Variants in SH3GLB2 observed in about 807,000 individuals in gnomAD.
SH3GLB2 encodes endophilin-B2.
A neutral mutation model predicts 48.0 loss-of-function variants in SH3GLB2; 24 were observed. That is an observed-to-expected ratio of 0.50 (90% CI 0.36 to 0.70). The LOEUF (loss-of-function observed/expected upper bound fraction) is 0.70. Ranked by LOEUF, SH3GLB2 falls within the 30% of genes least tolerant of loss-of-function variation. SH3GLB2 has a pLI of 0.00. For synonymous variants in SH3GLB2, 227 were observed against 207.6 expected (o/e 1.09, Z -0.80); for missense variants, 425 against 516.0 (o/e 0.82, Z 1.71).
chr9:129,011,006 G>A lies in SH3GLB2; in HGVS notation c.625-313C>T, dbSNP rs572844128. 17 of 415,392 alleles carry A rather than the reference G, an allele frequency of 4.1e-5. No individual in the cohort carries two copies. In the South Asian group the frequency reaches 6.0e-4, roughly 15 times the overall value. 25.7% of individuals were successfully genotyped at this position (415,392 alleles called of 1,614,324 possible). Reference sequence around the variant, plus strand: ...AGACGGAGTGTCCCCACCCCATCCTGACTGCTGGCTCAGGCTGCTGGGCTG... The same window carrying A: ...AGACGGAGTGTCCCCACCCCATCCTAACTGCTGGCTCAGGCTGCTGGGCTG... On this transcript the variant is annotated intron_variant, in intron 6 of 10. Transcript: ENST00000372564. The surrounding 1 kb of genome is among the most constrained non-coding windows in gnomAD (Gnocchi z 4.5).
intron 9 of SH3GLB2, 24 bp downstream of exon 9, chr9:129,009,747 G>A: frequency 6.3e-7 from 1 of 1,598,900 alleles, no homozygotes; most frequent in South Asian, 1.1e-5. Context: ...GGCCCCAGTG[G>A]GTTCAGCAGT....
chr9:129,017,619 C>T (rs563890836), intron 3 of SH3GLB2, among the ~76,000 whole-genome samples: 2 of 151,580 alleles, frequency 1.3e-5, no homozygotes, highest in South Asian at 2.1e-4. Flanking sequence ...ACAAAAAATA[C>T]GCCGGGTGTG....
intron 3 of SH3GLB2, among the ~76,000 whole-genome samples, chr9:129,018,461 C>G (rs1014349440): frequency 3.3e-5 from 5 of 150,400 alleles, no homozygotes; most frequent in Admixed American, 3.3e-4. Context: ...CCTGTAATCC[C>G]AGCGACTTGG....
chr9:129,010,606 G>C, intron 7 of SH3GLB2, 64 bp downstream of exon 7: 1 of 1,579,004 alleles, frequency 6.3e-7, no homozygotes, highest in South Asian at 1.1e-5. Flanking sequence ...CCCCACAGCA[G>C]CAAGTGTGCC....
At chr9:129,016,785 T>C (rs541721889) in intron 3 of SH3GLB2, among the ~76,000 whole-genome samples, 11 of 152,144 alleles carry the variant, frequency 7.2e-5, no homozygotes, top group Non-Finnish European at 1.2e-4. Flanking sequence ...AAAATAGTAC[T>C]AGAGACAAAG....
intron 1 of SH3GLB2, among the ~76,000 whole-genome samples, chr9:129,023,149 T>A (rs572844762): frequency 2.0e-5 from 3 of 151,958 alleles, no homozygotes; most frequent in African/African-American, 7.3e-5. Flanking sequence ...AGCTGATGGG[T>A]GCAGAGACGT....
chr9:129,009,575 C>T, intron 9 of SH3GLB2, 196 bp downstream of exon 9: 8 of 1,536,148 alleles, frequency 5.2e-6, no homozygotes, highest in Non-Finnish European at 7.0e-6. Flanking sequence ...CTCAGGGGCT[C>T]CAGGGGACTT....
rs1240891752 is a variant in SH3GLB2, at chr9:129,014,850, C to T, written c.389G>A (p.Arg130Lys). The T allele has an allele frequency of 8.1e-6, 13 of 1,614,008 alleles. No individual in the cohort carries two copies. In the South Asian group the frequency reaches 1.2e-4, roughly 15 times the overall value. Residue 130 changes from arginine to lysine, a missense_variant, in exon 4 of 11, where the codon AGG becomes AAG. Transcript: ENST00000372564. This position sits in a 1 kb window ranked among gnomAD's most constrained non-coding sequence, Gnocchi z 4.1. ...GATGGAGGCCGTGTGGATAAAATCC[C>T]TCTCCGCGGCTCCCAGTTGCTTTTC... ...EAEKQLGAAE[R>K]DFIHTASISF...
chr9:129,009,443 G>A (rs372769957), intron 9 of SH3GLB2, 97 bp from the exon 10 acceptor site: 25 of 1,549,794 alleles, frequency 1.6e-5, no homozygotes, highest in African/African-American at 1.2e-4. Context: ...CTCCAGCCCC[G>A]GCTACTCACA....
At chr9:129,023,039 C>T (rs939515290) in intron 1 of SH3GLB2, among the ~76,000 whole-genome samples, 9 of 152,128 alleles carry the variant, frequency 5.9e-5, no homozygotes, top group Non-Finnish European at 1.2e-4. Flanking sequence ...AATAGCACCT[C>T]CCCCATAGGT....
intron 1 of SH3GLB2, among the ~76,000 whole-genome samples, chr9:129,025,721 G>A (rs930153849): frequency 6.6e-6 from 1 of 151,024 alleles, no homozygotes; most frequent in Non-Finnish European, 1.5e-5. Context: ...CACCCTAAAT[G>A]TGCACCTCAA....
At chr9:129,008,879 C>T in intron 10 of SH3GLB2, 88 bp from the exon 11 acceptor site, 1 of 1,370,328 alleles carries the variant, frequency 7.3e-7, no homozygotes. Context: ...TGCCACCTCC[C>T]CATGGCCCGT....
intron 1 of SH3GLB2, 72 bp from the exon 2 acceptor site, chr9:129,022,495 G>T: frequency 1.4e-6 from 2 of 1,403,248 alleles, no homozygotes; most frequent in South Asian, 1.3e-5. Flanking sequence ...GGTGGGGAAA[G>T]GGAGGACTGC....
chr9:129,018,404 C>T (rs976861895), intron 3 of SH3GLB2, among the ~76,000 whole-genome samples: 30 of 150,920 alleles, frequency 2.0e-4, no homozygotes, highest in African/African-American at 4.2e-4. Context: ...GGTGAGACCC[C>T]GTCTCTACTA....
chr9:129,023,291 T>C (rs1327243513), intron 1 of SH3GLB2, among the ~76,000 whole-genome samples: 1 of 152,096 alleles, frequency 6.6e-6, no homozygotes, highest in Non-Finnish European at 1.5e-5. Context: ...GGATGTCGCA[T>C]GGGTCCCCAT....
rs530232070 is a variant in SH3GLB2, at chr9:129,009,951, C to T, written c.739-80G>A. On this transcript the variant is annotated intron_variant, in intron 8 of 10. Transcript: ENST00000372564. ...ATTCCGTCCCCATCCCCGTCCTCTA[C>T]CAGACCTTGCTCCGGCATTCCAGGG... 21 of 1,442,032 alleles carry T rather than the reference C, an allele frequency of 1.5e-5. No individual in the cohort carries two copies. In the Admixed American group the frequency reaches 2.2e-4, roughly 15 times the overall value. 89.3% of individuals were successfully genotyped at this position (1,442,032 alleles called of 1,614,324 possible).
In SH3GLB2 at chr9:129,022,286, G is replaced by C; in HGVS notation, c.201C>G (p.Asn67Lys). ...LRQTEVLLQPNPSARVEEFLY... is the reference protein window; with the variant it reads ...LRQTEVLLQPKPSARVEEFLY... Reference sequence around the variant, plus strand: ...GGCCCACGAACACGCACTCACTGGGGTTGGGCTGCAGCAGCACCTCTGTCT... The same window carrying C: ...GGCCCACGAACACGCACTCACTGGGCTTGGGCTGCAGCAGCACCTCTGTCT... The change falls in exon 2 of 11, where the codon AAC (asparagine) becomes AAG (lysine). Residue 67 changes from asparagine to lysine, a missense_variant. Coordinates refer to ENST00000372564, the MANE Select transcript of SH3GLB2 (RefSeq NM_020145.4). 1.2e-6 allele frequency: 2 copies of C among 1,613,698 alleles called. No individual in the cohort carries two copies. Among genetic ancestry groups the C allele is most frequent in the Non-Finnish European group, 8.5e-7 (1 of 1,179,992 alleles).
chr9:129,022,436 G>A lies in SH3GLB2; in HGVS notation c.64-13C>T, dbSNP rs1283079822. 2 of 1,561,520 alleles carry A rather than the reference G, an allele frequency of 1.3e-6. No homozygotes were observed. The highest frequency in any genetic ancestry group is 1.1e-5 in the South Asian group (1 of 90,222). ...TCTCCTCCGTGAACTACGCAGAGGGGAAGGCCAAGGGGTGGGGAGGGGGAG... is the reference window on the plus strand; with the variant it reads ...TCTCCTCCGTGAACTACGCAGAGGGAAAGGCCAAGGGGTGGGGAGGGGGAG... On this transcript the variant is annotated splice_polypyrimidine_tract_variant and intron_variant, in intron 1 of 10. Transcript: ENST00000372564.
At chr9:129,021,721 G>A (rs930259294) in intron 2 of SH3GLB2, among the ~76,000 whole-genome samples, 1 of 151,962 alleles carries the variant, frequency 6.6e-6, no homozygotes, top group Non-Finnish European at 1.5e-5. Context: ...CACTTTGGGA[G>A]GCCAAGGCGG....
Sources: gnomAD v4.1 joint callset for allele counts (sites outside exome capture counted in the v4.1 genomes callset) on GRCh38, gnomAD v4.1.1 for gene constraint, Gnocchi (gnomAD v3.1) non-coding constraint, MANE v1.5 for transcripts, NCBI Gene and HGNC (gene_info 2026-07-23, HGNC 2026-07-21) for gene names.